Variants in CLEC17A observed in about 807,000 individuals in gnomAD.
CLEC17A encodes the protein C-type lectin domain family 17, member A.
A neutral mutation model predicts 61.3 loss-of-function variants in CLEC17A; 37 were observed. The ratio of observed to expected loss-of-function variants is 0.60; its 90% CI spans 0.46 to 0.79. The LOEUF is 0.79. Among genes scored for constraint, CLEC17A ranks in the 30% least tolerant of loss-of-function variants. The probability of loss-of-function intolerance (pLI) is 0.00; values close to 1 mark genes in which losing one functional copy is unlikely to be tolerated. For synonymous variants in CLEC17A, 168 were observed against 164.9 expected, an observed-to-expected ratio of 1.02 and a Z score of -0.14; for missense variants, 418 against 464.7, an observed-to-expected ratio of 0.90 and a Z score of 0.92.
intron 4 of CLEC17A, 130 bp downstream of exon 4, chr19:14,592,488 C>A: frequency 6.6e-7 from 1 of 1,508,248 alleles, no homozygotes; most frequent in East Asian, 2.5e-5. Context: ...CTGTGCAACA[C>A]ACACCCTGCC....
chr19:14,592,399 G>A (rs2074442009), intron 4 of CLEC17A, 41 bp downstream of exon 4: 1 of 1,610,940 alleles, frequency 6.2e-7, no homozygotes, highest in African/African-American at 1.3e-5. Flanking sequence ...GGAATACAGG[G>A]AACAGGGTTT....
intron 12 of CLEC17A, among the ~76,000 whole-genome samples, chr19:14,604,432 G>A (rs930591485): frequency 2.0e-5 from 3 of 152,068 alleles, no homozygotes; most frequent in Admixed American, 2.0e-4. Context: ...TATAACGACA[G>A]AAATATTTTC....
intron 12 of CLEC17A, among the ~76,000 whole-genome samples, chr19:14,601,634 T>G (rs1195594795): frequency 6.6e-6 from 1 of 152,064 alleles, no homozygotes; most frequent in Non-Finnish European, 1.5e-5. Flanking sequence ...TTTCTGTTTT[T>G]CAGGGACAAG....
At chr19:14,608,262 G>A (rs2074952885) in intron 13 of CLEC17A, among the ~76,000 whole-genome samples, 1 of 152,068 alleles carries the variant, frequency 6.6e-6, no homozygotes, top group African/African-American at 2.4e-5. Context: ...CTGCCCCTTG[G>A]ACTTCCACAT....
At chr19:14,589,441 A>T (rs1317923801) in intron 3 of CLEC17A, among the ~76,000 whole-genome samples, 2 of 143,428 alleles carry the variant, frequency 1.4e-5, no homozygotes, top group Admixed American at 6.8e-5. Flanking sequence ...ATTTAAAAAA[A>T]ATATTTTTGA....
chr19:14,607,858 G>A (rs890417342), intron 13 of CLEC17A, among the ~76,000 whole-genome samples: 2 of 151,770 alleles, frequency 1.3e-5, no homozygotes, highest in Admixed American at 6.6e-5. Context: ...TTACAGGGGT[G>A]AGCCACTGCG....
chr19:14,599,635 C>T, intron 10 of CLEC17A, 82 bp from the exon 11 acceptor site: 1 of 979,038 alleles, frequency 1.0e-6, no homozygotes, highest in Non-Finnish European at 1.6e-6. Context: ...CCTTGCTTCT[C>T]TCTCTGATGT....
intron 2 of CLEC17A, among the ~76,000 whole-genome samples, chr19:14,586,960 C>G (rs954650723): frequency 1.3e-4 from 19 of 150,666 alleles, no homozygotes; most frequent in Admixed American, 3.3e-4. Context: ...ATGATCTCAG[C>G]TCACTGCAAC....
intron 3 of CLEC17A, among the ~76,000 whole-genome samples, chr19:14,591,139 T>G (rs1032838631): frequency 6.6e-6 from 1 of 151,708 alleles, no homozygotes; most frequent in Non-Finnish European, 1.5e-5. Context: ...TTGTCATAGT[T>G]TCTTCTTTTT....
intron 13 of CLEC17A, among the ~76,000 whole-genome samples, chr19:14,608,902 C>T (rs1026559035): frequency 7.3e-5 from 11 of 151,344 alleles, no homozygotes; most frequent in African/African-American, 2.4e-4. Context: ...TGGATTCAAG[C>T]GATTCTCCTG....
At chr19:14,593,987 ACAAAC>A (rs1361398981) in intron 4 of CLEC17A, among the ~76,000 whole-genome samples, 3 of 146,778 alleles carry the variant, frequency 2.0e-5, no homozygotes, top group African/African-American at 8.0e-5. Context: ...AAACAAACAA[ACAAAC>A]AAAAACATGG....
intron 12 of CLEC17A, among the ~76,000 whole-genome samples, chr19:14,605,779 C>G (rs2074849254): frequency 6.6e-6 from 1 of 152,102 alleles, no homozygotes; most frequent in South Asian, 2.1e-4. Flanking sequence ...TGCTCTGCTG[C>G]CCAGGCTGGA....
At chr19:14,596,450 G>A (rs1231349483) in intron 8 of CLEC17A, among the ~76,000 whole-genome samples, 3 of 152,042 alleles carry the variant, frequency 2.0e-5, no homozygotes, top group African/African-American at 4.8e-5. Context: ...GGACAACATG[G>A]CGAGACCCCC....
At chr19:14,588,306 A>C (rs1439665900) in intron 3 of CLEC17A, 1 of 147,184 alleles carries the variant, frequency 6.8e-6, no homozygotes, top group African/African-American at 2.6e-5. Flanking sequence ...GGGGCAACAT[A>C]GCAAGACCCC....
intron 3 of CLEC17A, 34 bp downstream of exon 3, chr19:14,587,725 A>C (rs765629625): frequency 1.9e-6 from 3 of 1,610,288 alleles, no homozygotes; most frequent in South Asian, 2.2e-5. Flanking sequence ...ACCTGGGGGA[A>C]TACAGGGAAC....
intron 13 of CLEC17A, among the ~76,000 whole-genome samples, chr19:14,608,109 C>G (rs1035431067): frequency 6.6e-6 from 1 of 151,756 alleles, no homozygotes; most frequent in African/African-American, 2.4e-5. Context: ...TGAGCTCAAG[C>G]GATCCACCCG....
chr19:14,598,934 A>G (rs1198329479), intron 10 of CLEC17A, among the ~76,000 whole-genome samples: 2 of 152,108 alleles, frequency 1.3e-5, no homozygotes, highest in African/African-American at 4.8e-5. Context: ...CCTGTGGGAC[A>G]GAGCAGGACT....
intron 10 of CLEC17A, among the ~76,000 whole-genome samples, chr19:14,598,372 T>TTCCTTCCTTCCTTCCCTTCCCTTC: frequency 1.3e-5 from 2 of 150,848 alleles, no homozygotes; most frequent in Non-Finnish European, 3.0e-5. Context: ...CCTTCCTTTC[T>TTCCTTCCTTCCTTCCCTTCCCTTC]TCCTTCCTTC....
intron 4 of CLEC17A, among the ~76,000 whole-genome samples, chr19:14,593,161 G>T (rs2074461118): frequency 6.6e-6 from 1 of 151,924 alleles, no homozygotes; most frequent in Admixed American, 6.6e-5. Context: ...GGTTCAACAA[G>T]AATCTGATCA....
Sources: allele counts gnomAD v4.1 joint callset (sites outside exome capture counted in the v4.1 genomes callset), GRCh38; gene constraint gnomAD v4.1.1; transcripts MANE v1.5; gene names NCBI Gene and HGNC (gene_info 2026-07-23, HGNC 2026-07-21).